ZNF568: variants seen among roughly 807,000 people sequenced by gnomAD.
ZNF568 encodes the protein p53 inhibitor of SCO2 activation.
Under a neutral mutation model 18.1 loss-of-function variants are expected in ZNF568, and 11 were observed. That is an observed-to-expected ratio of 0.61 (90% CI 0.38 to 1.00). The LOEUF (loss-of-function observed/expected upper bound fraction) is 1.00, where lower values mean the gene tolerates loss of function less well. Ranked by LOEUF, ZNF568 falls within the 50% of genes least tolerant of loss-of-function variation. ZNF568 has a pLI of 0.01. For synonymous variants in ZNF568, 213 were observed against 246.6 expected (o/e 0.86, Z 1.28); for missense variants, 639 against 768.2 (o/e 0.83, Z 1.99).
chr19:36,957,714 A>G (rs2074118443), downstream of ZNF568, among the ~76,000 whole-genome samples: 2 of 152,318 alleles, frequency 1.3e-5, no homozygotes, highest in Non-Finnish European at 2.9e-5. Flanking sequence ...TATGTGGGTA[A>G]ATAGAAACAA....
At chr19:36,927,872 ATATATATATATATAT>A (rs1245443229) in intron 4 of ZNF568, among the ~76,000 whole-genome samples, 47 of 54,726 alleles carry the variant, frequency 8.6e-4, no homozygotes, top group East Asian at 4.1e-3. Flanking sequence ...ATATATATAT[ATATATATATATATAT>A]TATATATATA....
At chr19:36,944,372 T>C (rs2073929924) in intron 6 of ZNF568, among the ~76,000 whole-genome samples, 1 of 150,438 alleles carries the variant, frequency 6.6e-6, no homozygotes, top group African/African-American at 2.4e-5. Context: ...CACTCCAGCC[T>C]GGACAACAAG....
intron 6 of ZNF568, among the ~76,000 whole-genome samples, chr19:36,941,409 G>T (rs1338388255): frequency 3.3e-5 from 5 of 152,150 alleles, no homozygotes; most frequent in Non-Finnish European, 7.4e-5. Flanking sequence ...ATCAAAGATG[G>T]CTTGCCTCCT....
intron 2 of ZNF568, among the ~76,000 whole-genome samples, chr19:36,985,949 T>C (rs2074372932): frequency 1.3e-5 from 2 of 152,224 alleles, no homozygotes; most frequent in Non-Finnish European, 1.5e-5. Flanking sequence ...TTTTGACTCA[T>C]AGGTTATTTT....
chr19:36,927,880 ATATATATTATATATATATATATATT>A (rs2073592099), intron 4 of ZNF568, among the ~76,000 whole-genome samples: 1 of 54,878 alleles, frequency 1.8e-5, no homozygotes, highest in Non-Finnish European at 2.9e-5. Flanking sequence ...ATATATATAT[ATATATATTATATATATATATATATT>A]TTTTTTTTTT....
downstream of ZNF568, among the ~76,000 whole-genome samples, chr19:36,983,893 C>CTTTCTTTTT (rs2074352025): frequency 9.2e-6 from 1 of 108,570 alleles, no homozygotes; most frequent in Non-Finnish European, 1.7e-5. Context: ...CAACTTTGTC[C>CTTTCTTTTT]TTTTTTTTTT....
chr19:36,979,226 G>A (rs1325236141), exon 8 of ZNF568: 5 of 184,032 alleles, frequency 2.7e-5, no homozygotes, highest in Non-Finnish European at 3.5e-5. Flanking sequence ...CAGGTGATCC[G>A]CCTGCCTTGG....
At position 36,939,524 on chromosome 19, in the gene ZNF568, T is replaced by TTTTC. The variant is rs1460027614; in HGVS notation, c.358+2290_358+2293dup. 7.8e-5 allele frequency among the ~76,000 whole-genome samples: 11 copies of TTTTC among 140,754 alleles called. No individual in the cohort carries two copies. The East Asian group carries it at 1.0e-3, about 13-fold the overall frequency. The allele number at this position is 140,754 out of a possible 152,430, so 92.3% of individuals were successfully genotyped here. The stretch of plus-strand genomic sequence containing the variant: ...ATCTTTAAGGTTCATTGAAGATGTA[T>TTTTC]TTTCTTTCTTTTTTTTTTTTTTTTT... On this transcript the variant is annotated intron_variant, in intron 6 of 6. Transcript: ENST00000333987.
At chr19:36,933,924 G>GTTTTTTTTTTTTTTTTTTTTTTTT (rs140279289) in intron 4 of ZNF568, among the ~76,000 whole-genome samples, 1 of 29,964 alleles carries the variant, frequency 3.3e-5, no homozygotes, top group East Asian at 5.0e-4. Context: ...TTGTTTTTTT[G>GTTTTTTTTTTTTTTTTTTTTTTTT]TTTTTTTTTT....
At chr19:36,964,305 A>G (rs942157123) in intron 6 of ZNF568, among the ~76,000 whole-genome samples, 4 of 152,246 alleles carry the variant, frequency 2.6e-5, no homozygotes, top group East Asian at 1.9e-4. Context: ...TCACATAAAC[A>G]TTTGTTAGAT....
intron 2 of ZNF568, among the ~76,000 whole-genome samples, chr19:36,922,081 A>G (rs2073466055): frequency 6.6e-6 from 1 of 152,226 alleles, no homozygotes; most frequent in Non-Finnish European, 1.5e-5. Context: ...AATTACCTCA[A>G]AAACTAGTGG....
intron 2 of ZNF568, among the ~76,000 whole-genome samples, chr19:36,986,129 G>A (rs1384236290): frequency 6.6e-6 from 1 of 152,136 alleles, no homozygotes; most frequent in African/African-American, 2.4e-5. Context: ...CTGCAGGCCT[G>A]TGTGAGGGCT....
chr19:36,925,056 CTA>C, intron 3 of ZNF568, 142 bp from the exon 4 acceptor site: 1 of 670,278 alleles, frequency 1.5e-6, no homozygotes, highest in African/African-American at 1.8e-5. Flanking sequence ...ATTTCAGTGT[CTA>C]TAGCTAGATG....
In ZNF568 at chr19:36,950,159, T is replaced by G; in HGVS notation, c.1006T>G (p.Cys336Gly). Reference sequence around the variant, plus strand: ...TCACACTGGAGAGAAACCCTATGAATGTAAGGAATGTGGGAAATCCTTCAG... The same window carrying G: ...TCACACTGGAGAGAAACCCTATGAAGGTAAGGAATGTGGGAAATCCTTCAG... ...RIHTGEKPYECKECGKSFSQK... is the reference protein window; with the variant it reads ...RIHTGEKPYEGKECGKSFSQK... Residue 336 changes from cysteine (C) to glycine (G), a missense_variant, in exon 7 of 7, where the codon TGT becomes GGT. Cys to Gly is a radical substitution (Grantham distance 159). Transcript: ENST00000333987. 6.2e-7 allele frequency: 1 copy of G among 1,613,974 alleles called. No homozygotes were observed. Among genetic ancestry groups the G allele is most frequent in the Non-Finnish European group, 8.5e-7 (1 of 1,179,942 alleles).
chr19:36,966,168 C>A (rs1161852589), intron 6 of ZNF568, among the ~76,000 whole-genome samples: 1 of 152,110 alleles, frequency 6.6e-6, no homozygotes, highest in Non-Finnish European at 1.5e-5. Context: ...TGCCTGTAAT[C>A]CCAACTACTC....
chr19:36,947,674 C>T (rs2073989953), intron 6 of ZNF568, among the ~76,000 whole-genome samples: 1 of 151,966 alleles, frequency 6.6e-6, no homozygotes, highest in African/African-American at 2.4e-5. Context: ...ACCCACTCCA[C>T]TTTTTTTTGA....
chr19:36,938,926 A>G lies in ZNF568; in HGVS notation c.358+1684A>G, dbSNP rs1388070014. On this transcript the variant is annotated intron_variant, in intron 6 of 6. Transcript: ENST00000333987. ...GATTTTTGTTCCTTGAAATGTCGTC[A>G]TATAGATTTCATGCTCGTTTCTTTT... Among the ~76,000 whole-genome samples, 42 of 152,146 alleles carry G rather than the reference A, an allele frequency of 2.8e-4. 1 individual carries two copies. The highest frequency in any genetic ancestry group is 2.8e-3 in the Admixed American group (42 of 15,272).
chr19:36,955,133 A>T (rs1057382217), downstream of ZNF568, among the ~76,000 whole-genome samples: 1 of 152,074 alleles, frequency 6.6e-6, no homozygotes, highest in African/African-American at 2.4e-5. Context: ...ACCTTTTTTT[A>T]AAAAATGGTT....
At chr19:36,918,499 C>A (rs777507076) in intron 2 of ZNF568, among the ~76,000 whole-genome samples, 1 of 152,070 alleles carries the variant, frequency 6.6e-6, no homozygotes, top group Admixed American at 6.5e-5. Context: ...CTGTACTGTA[C>A]GTGTTCAGTA....
Sources: gnomAD v4.1 joint callset for allele counts (sites outside exome capture counted in the v4.1 genomes callset) on GRCh38, gnomAD v4.1.1 for gene constraint, MANE v1.5 for transcripts, NCBI Gene and HGNC (gene_info 2026-07-23, HGNC 2026-07-21) for gene names.